Variants in KIFAP3 observed in about 807,000 individuals in gnomAD.
KIFAP3 encodes the protein kinesin-associated protein 3.
In KIFAP3, 68 loss-of-function variants were observed where a neutral mutation model predicts 106.5. That is an observed-to-expected ratio of 0.64 (90% CI 0.53 to 0.78). The LOEUF is 0.78. Ranked by LOEUF, KIFAP3 falls within the 30% of genes least tolerant of loss-of-function variation. The pLI is 0.00. For synonymous variants in KIFAP3, 320 were observed against 311.5 expected, an observed-to-expected ratio of 1.03 and a Z score of -0.29; for missense variants, 780 against 941.8, an observed-to-expected ratio of 0.83 and a Z score of 2.25.
intron 1 of KIFAP3, among the ~76,000 whole-genome samples, chr1:170,070,102 C>T (rs1054788437): frequency 5.9e-5 from 9 of 151,794 alleles, no homozygotes; most frequent in African/African-American, 1.5e-4. Context: ...CAGGAGTAAA[C>T]GTAACCAAGG....
intron 18 of KIFAP3, 68 bp from the exon 19 acceptor site, chr1:169,954,178 C>A: frequency 1.0e-5 from 9 of 884,600 alleles, no homozygotes; most frequent in Non-Finnish European, 3.7e-6. Context: ...TCAAGCAATA[C>A]AATAAGAAAA....
In KIFAP3 at chr1:170,038,357, A is replaced by T. The variant is rs777782524; in HGVS notation, c.450T>A (p.Val150=). The change falls in exon 5 of 20, where the codon GTT becomes GTA. Residue 150 remains valine, a synonymous_variant. Coordinates refer to ENST00000361580, the MANE Select transcript of KIFAP3 (RefSeq NM_014970.4). ...GCTGCAGGATCAAAGCAGAACCCCGAACTTTGTCAGGAATATCTTCATATA... is the reference window on the plus strand; with the variant it reads ...GCTGCAGGATCAAAGCAGAACCCCGTACTTTGTCAGGAATATCTTCATATA... ...ELLYEDIPDK[V]RGSALILQLA... is the part of the protein sequence containing the mutation. 4 of 1,609,886 alleles carry T rather than the reference A, an allele frequency of 2.5e-6. No homozygotes were observed. In the Middle Eastern group the frequency reaches 5.0e-4, roughly 200 times the overall value.
intron 18 of KIFAP3, among the ~76,000 whole-genome samples, chr1:169,957,068 C>G (rs1313147725): frequency 6.6e-6 from 1 of 152,168 alleles, no homozygotes. Context: ...ACCTCAACTT[C>G]TTTGGAAATA....
chr1:170,034,221 ACTT>A, intron 7 of KIFAP3, 148 bp downstream of exon 7: 2 of 662,598 alleles, frequency 3.0e-6, no homozygotes, highest in Non-Finnish European at 5.1e-6. Context: ...GTTTCAATCT[ACTT>A]CTTAACCTTC....
At chr1:169,992,510 G>A (rs1478483548) in intron 10 of KIFAP3, among the ~76,000 whole-genome samples, 1 of 151,862 alleles carries the variant, frequency 6.6e-6, no homozygotes, top group Non-Finnish European at 1.5e-5. Flanking sequence ...TTAACCATAG[G>A]AATTAATTAT....
At chr1:170,016,675 C>T in intron 9 of KIFAP3, 51 bp from the exon 10 acceptor site, 2 of 1,091,272 alleles carry the variant, frequency 1.8e-6, no homozygotes, top group Non-Finnish European at 2.6e-6. Flanking sequence ...CAAAATAGGA[C>T]AAAAAGAATA....
intron 10 of KIFAP3, among the ~76,000 whole-genome samples, chr1:170,009,189 C>T (rs1032658023): frequency 6.6e-6 from 1 of 152,022 alleles, no homozygotes; most frequent in Admixed American, 6.6e-5. Context: ...ACCACCATGG[C>T]ACATGTATAC....
chr1:169,958,969 C>A (rs558782), intron 18 of KIFAP3, among the ~76,000 whole-genome samples: 142,385 of 152,248 alleles, frequency 0.94, 66,671 homozygotes, highest in East Asian at 0.99. Context: ...ACTATTAAAT[C>A]GTCTGAAAAT....
intron 18 of KIFAP3, among the ~76,000 whole-genome samples, chr1:169,955,339 A>G (rs1219728592): frequency 6.6e-6 from 1 of 152,226 alleles, no homozygotes; most frequent in Non-Finnish European, 1.5e-5. Flanking sequence ...TAAGTGAAAT[A>G]TAAGACAAAC....
intron 9 of KIFAP3, among the ~76,000 whole-genome samples, chr1:170,023,472 T>G (rs1244488462): frequency 6.6e-6 from 1 of 152,082 alleles, no homozygotes; most frequent in Non-Finnish European, 1.5e-5. Flanking sequence ...AAAATTATCC[T>G]CAATGGAGTT....
intron 2 of KIFAP3, among the ~76,000 whole-genome samples, chr1:170,048,112 C>T (rs1670357353): frequency 6.6e-6 from 1 of 152,138 alleles, no homozygotes; most frequent in African/African-American, 2.4e-5. Flanking sequence ...CGAAACCATT[C>T]CAGCAGAATG....
chr1:170,055,554 A>C lies in KIFAP3; in HGVS notation c.33-118T>G, dbSNP rs899229767. Reference sequence around the variant, plus strand: ...TTAACATGTGCATTTGAATCAGATTACTCTTGACTTGGGATTAGAGATAAC... The same window carrying C: ...TTAACATGTGCATTTGAATCAGATTCCTCTTGACTTGGGATTAGAGATAAC... On this transcript the variant is annotated intron_variant, in intron 1 of 19. Transcript: ENST00000361580. 4.6e-6 allele frequency: 3 copies of C among 651,204 alleles called. No homozygotes were observed. In the Admixed American group the frequency reaches 1.0e-4, roughly 23 times the overall value. 40.3% of individuals were successfully genotyped at this position (651,204 alleles called of 1,614,324 possible).
chr1:170,008,327 C>T (rs1027858059), intron 10 of KIFAP3, among the ~76,000 whole-genome samples: 3 of 151,572 alleles, frequency 2.0e-5, no homozygotes, highest in Non-Finnish European at 4.4e-5. Context: ...TCAGAGTGAA[C>T]AGGCAACCTA....
chr1:170,076,570 C>T (rs12119299), upstream of KIFAP3, among the ~76,000 whole-genome samples: 10,864 of 152,196 alleles, frequency 0.071, 434 homozygotes, highest in Non-Finnish European at 0.095. Flanking sequence ...CCCACTTCCA[C>T]TGGAGGCAAC....
chr1:170,038,522 T>C (rs764144868), intron 4 of KIFAP3, 91 bp from the exon 5 acceptor site: 9 of 1,293,688 alleles, frequency 7.0e-6, no homozygotes, highest in African/African-American at 1.5e-5. Context: ...TACTGGCCTT[T>C]ATAACAACAC....
At chr1:170,055,499 T>A in intron 1 of KIFAP3, 63 bp from the exon 2 acceptor site, 1 of 1,390,098 alleles carries the variant, frequency 7.2e-7, no homozygotes, top group Non-Finnish European at 9.7e-7. Flanking sequence ...ATGGTTTTTA[T>A]CTATTTTTAG....
chr1:170,021,938 TTTC>T (rs1211701831), intron 9 of KIFAP3, among the ~76,000 whole-genome samples: 5 of 142,300 alleles, frequency 3.5e-5, no homozygotes, highest in Admixed American at 7.2e-5. Context: ...CTTTCTTTTC[TTTC>T]TTTTTTTTTT....
intron 1 of KIFAP3, among the ~76,000 whole-genome samples, chr1:170,083,540 G>C (rs777387951): frequency 6.6e-6 from 1 of 152,088 alleles, no homozygotes; most frequent in Non-Finnish European, 1.5e-5. Flanking sequence ...TGTAAAATAG[G>C]GGTAATAGTC....
chr1:170,022,964 TTAC>T (rs1668925794), intron 9 of KIFAP3, among the ~76,000 whole-genome samples: 1 of 152,116 alleles, frequency 6.6e-6, no homozygotes, highest in South Asian at 2.1e-4. Flanking sequence ...TTTTGAAAAC[TTAC>T]TACAAGTGAA....
Sources: allele counts gnomAD v4.1 joint callset (sites outside exome capture counted in the v4.1 genomes callset), GRCh38; gene constraint gnomAD v4.1.1; transcripts MANE v1.5; gene names NCBI Gene and HGNC (gene_info 2026-07-23, HGNC 2026-07-21).